The following DCC variants were observed in gnomAD, a reference collection of about 807,000 sequenced individuals.
DCC encodes the protein DCC netrin 1 receptor.
Under a neutral mutation model 172.5 loss-of-function variants are expected in DCC, and 58 were observed. The ratio of observed to expected loss-of-function variants is 0.34; its 90% CI spans 0.27 to 0.42. DCC has a LOEUF of 0.42. Ranked by LOEUF, DCC falls within the 10% of genes least tolerant of loss-of-function variation. The probability of loss-of-function intolerance (pLI) is 1.00; values close to 1 mark genes in which losing one functional copy is unlikely to be tolerated. For missense variants in DCC, 1,740 were observed against 1,791.0 expected, an observed-to-expected ratio of 0.97 and a Z score of 0.51; for synonymous variants, 709 against 644.5, an observed-to-expected ratio of 1.10 and a Z score of -1.52.
chr18:52,375,251 C>A (rs1324204947), intron 1 of DCC, among the ~76,000 whole-genome samples: 4 of 152,058 alleles, frequency 2.6e-5, no homozygotes, highest in Non-Finnish European at 5.9e-5. Context: ...GCCAAGATAT[C>A]AAAGCCAATC....
chr18:53,204,781 G>A (rs2055598991), intron 9 of DCC, among the ~76,000 whole-genome samples: 2 of 152,222 alleles, frequency 1.3e-5, no homozygotes, highest in South Asian at 4.1e-4. Flanking sequence ...ATAGCTGTGC[G>A]ACCTATTTTA....
At chr18:52,594,497 C>G in intron 1 of DCC, among the ~76,000 whole-genome samples, 1 of 152,148 alleles carries the variant, frequency 6.6e-6, no homozygotes, top group East Asian at 1.9e-4. Context: ...CCTCATTGTT[C>G]CATTTTTTGT....
At chr18:52,418,418 G>A (rs552839340) in intron 1 of DCC, among the ~76,000 whole-genome samples, 2 of 152,264 alleles carry the variant, frequency 1.3e-5, no homozygotes, top group Non-Finnish European at 2.9e-5. Flanking sequence ...TGTTTTTGAG[G>A]CTGGAGCAGG....
rs534423660 is a variant in DCC at position 52,747,225 on chromosome 18, C to A, written c.92-4829C>A. Among the ~76,000 whole-genome samples the A allele has an allele frequency of 1.2e-4, 19 of 152,202 alleles. No homozygotes were observed. In the East Asian group the frequency reaches 3.3e-3, roughly 26 times the overall value. On this transcript the variant is annotated intron_variant, in intron 1 of 28. Transcript: ENST00000442544. ...TTAATGGATGAGATTTGGGAACTTT[C>A]CAGTCTATTTCTCCACAATATATTA...
intron 8 of DCC, among the ~76,000 whole-genome samples, chr18:53,173,829 C>G (rs1327875545): frequency 2.2e-5 from 3 of 133,924 alleles, no homozygotes; most frequent in African/African-American, 8.9e-5. Context: ...CCAAGCAGAC[C>G]TAATAGACAT....
intron 1 of DCC, among the ~76,000 whole-genome samples, chr18:52,351,200 G>A (rs930677532): frequency 1.3e-5 from 2 of 152,094 alleles, no homozygotes; most frequent in African/African-American, 4.8e-5. Flanking sequence ...CATGGTGGGA[G>A]GAAAAATCAT....
chr18:52,479,739 A>G (rs2033587467), intron 1 of DCC, among the ~76,000 whole-genome samples: 1 of 152,166 alleles, frequency 6.6e-6, no homozygotes, highest in African/African-American at 2.4e-5. Flanking sequence ...TCTTTTCTGT[A>G]CCAACATGGC....
At chr18:53,059,327 A>C (rs1043216546) in intron 5 of DCC, among the ~76,000 whole-genome samples, 4 of 152,266 alleles carry the variant, frequency 2.6e-5, no homozygotes, top group Admixed American at 1.3e-4. Flanking sequence ...TAAACATTTC[A>C]GGGTGAGAAA....
At chr18:52,843,658 T>C (rs1418692418) in intron 2 of DCC, among the ~76,000 whole-genome samples, 1 of 152,196 alleles carries the variant, frequency 6.6e-6, no homozygotes, top group East Asian at 1.9e-4. Context: ...TCTCACATCA[T>C]TATTTTTAAA....
chr18:52,594,560 G>A (rs2033868669), intron 1 of DCC, among the ~76,000 whole-genome samples: 1 of 152,122 alleles, frequency 6.6e-6, no homozygotes, highest in Non-Finnish European at 1.5e-5. Flanking sequence ...TATTACATGT[G>A]TTTGGTCATT....
Position 52,937,595 on chromosome 18 carries a change from C to T in DCC, c.985+12225C>T, listed in dbSNP as rs1263906724. ...CGTGATCTCTGCTCACTGCTATCTC[C>T]GCCTCAGTCTCTCAAGTATCTGGGG... On this transcript the variant is annotated intron_variant, in intron 5 of 28. Transcript: ENST00000442544. 3.9e-5 allele frequency among the ~76,000 whole-genome samples: 6 copies of T among 152,048 alleles called. 1 individual carries two copies. The highest frequency in any genetic ancestry group is 2.6e-4 in the Admixed American group (4 of 15,264).
At chr18:52,693,366 T>C (rs2035961319) in intron 1 of DCC, among the ~76,000 whole-genome samples, 1 of 147,842 alleles carries the variant, frequency 6.8e-6, no homozygotes, top group South Asian at 2.1e-4. Flanking sequence ...GTAGAATATA[T>C]AACTATATAT....
At chr18:53,389,348 C>A (rs1357528753) in intron 16 of DCC, among the ~76,000 whole-genome samples, 1 of 151,990 alleles carries the variant, frequency 6.6e-6, no homozygotes, top group Non-Finnish European at 1.5e-5. Flanking sequence ...TAGTTTCTGA[C>A]CTGAGAGAAA....
At chr18:52,790,453 A>G (rs2037740278) in intron 2 of DCC, among the ~76,000 whole-genome samples, 1 of 152,150 alleles carries the variant, frequency 6.6e-6, no homozygotes, top group Non-Finnish European at 1.5e-5. Context: ...AAAAGCCTGA[A>G]TGGTAAGAAA....
At chr18:52,891,652 A>G (rs923775642) in intron 2 of DCC, among the ~76,000 whole-genome samples, 9 of 152,128 alleles carry the variant, frequency 5.9e-5, no homozygotes, top group African/African-American at 2.2e-4. Flanking sequence ...ATACCTACAT[A>G]ACCTAAGCAA....
chr18:52,402,321 T>C (rs1211796915), intron 1 of DCC, among the ~76,000 whole-genome samples: 1 of 152,042 alleles, frequency 6.6e-6, no homozygotes, highest in Non-Finnish European at 1.5e-5. Flanking sequence ...AATATTTTAC[T>C]CTATAAACAA....
At chr18:53,513,083 G>A (rs1360421759) in intron 27 of DCC, among the ~76,000 whole-genome samples, 1 of 152,200 alleles carries the variant, frequency 6.6e-6, no homozygotes, top group African/African-American at 2.4e-5. Context: ...TACCCTCAAA[G>A]GGAAGCCCAT....
chr18:53,007,247 G>T (rs2143864411), intron 5 of DCC, among the ~76,000 whole-genome samples: 1 of 152,198 alleles, frequency 6.6e-6, no homozygotes, highest in South Asian at 2.1e-4. Context: ...CTGTGTGGTT[G>T]GTTACTTGTA....
chr18:52,700,357 GCA>G (rs60840549), intron 1 of DCC, among the ~76,000 whole-genome samples: 42,942 of 143,630 alleles, frequency 0.3, 6,467 homozygotes, highest in East Asian at 0.45. Context: ...TCACTCACAT[GCA>G]CACACACACA....
Sources: gnomAD v4.1 joint callset for allele counts (sites outside exome capture counted in the v4.1 genomes callset) on GRCh38, gnomAD v4.1.1 for gene constraint, MANE v1.5 for transcripts, NCBI Gene and HGNC (gene_info 2026-07-23, HGNC 2026-07-21) for gene names.